ARL10: variants seen among roughly 807,000 people sequenced by gnomAD.
The protein encoded by ARL10 is ARF like GTPase 10.
In ARL10, 23 loss-of-function variants were observed where a neutral mutation model predicts 26.1. The observed-to-expected ratio is 0.88, with a 90% CI of 0.63 to 1.25. ARL10 has a LOEUF of 1.25. Among genes scored for constraint, ARL10 ranks in the 50% most tolerant of loss-of-function variants. ARL10 has a pLI of 0.00. For synonymous variants in ARL10, 138 were observed against 149.1 expected (o/e 0.93, Z 0.54); for missense variants, 300 against 323.6 (o/e 0.93, Z 0.56).
chr5:176,390,858 T>C (rs1332107853), downstream of ARL10, among the ~76,000 whole-genome samples: 1 of 152,156 alleles, frequency 6.6e-6, no homozygotes, highest in African/African-American at 2.4e-5. Flanking sequence ...GTGTACATAG[T>C]GTTTGAGGGT....
At chr5:176,384,257 G>A, downstream of ARL10, 1 of 1,614,200 alleles carries the variant, frequency 6.2e-7, no homozygotes, top group Non-Finnish European at 8.5e-7. Context: ...TTCCTCTTCT[G>A]CAAAGAATCG....
At chr5:176,395,971 C>T (rs1209804281) in intron 1 of ARL10, among the ~76,000 whole-genome samples, 1 of 152,106 alleles carries the variant, frequency 6.6e-6, no homozygotes, top group Non-Finnish European at 1.5e-5. Flanking sequence ...CCCGTCTCTA[C>T]TAAAAATACA....
rs757726077 is a variant in ARL10 at position 176,366,486 on chromosome 5, T to C, written c.290T>C (p.Leu97Ser). The change falls in exon 2 of 4, where the codon TTG (leucine) becomes TCG (serine). Residue 97 changes from leucine (L) to serine (S), a missense_variant. Physicochemically the swap from Leu to Ser is moderately radical, Grantham distance 145. Transcript: ENST00000310389. ...GGCAAGAGCACGTTCCTGCGCGTGT[T>C]GTCGGGGAAGCCACCGCTGGAAGGC... ...GAGKSTFLRV[L>S]SGKPPLEGHI... 9 of 1,614,042 alleles carry C rather than the reference T, an allele frequency of 5.6e-6. No homozygotes were observed. Among genetic ancestry groups the C allele is most frequent in the Non-Finnish European group, 7.6e-6 (9 of 1,180,020 alleles).
chr5:176,393,316 C>G (rs1167164479), downstream of ARL10, among the ~76,000 whole-genome samples: 1 of 152,102 alleles, frequency 6.6e-6, no homozygotes, highest in African/African-American at 2.4e-5. This position sits in a 1 kb window ranked among gnomAD's most constrained non-coding sequence, Gnocchi z 4.4. Flanking sequence ...ACCTAAAGAC[C>G]CTTGGAGGTC....
downstream of ARL10, chr5:176,386,231 G>A (rs1253984218): frequency 1.3e-5 from 2 of 157,228 alleles, no homozygotes; most frequent in Non-Finnish European, 2.8e-5. Flanking sequence ...AGTGCCTATG[G>A]CTTGGTATAT....
Position 176,373,446 on chromosome 5 carries a change from G to A in ARL10, c.*1551G>A, listed in dbSNP as rs1320451855. The A allele has an allele frequency of 5.9e-6, 1 of 170,544 alleles. No homozygotes were observed. The highest frequency in any genetic ancestry group is 1.5e-4 in the East Asian group (1 of 6,620). 10.6% of individuals were successfully genotyped at this position (170,544 alleles called of 1,614,324 possible). A position where few individuals can be genotyped will look rare whatever the true frequency, so the allele number is the denominator to read the frequency against. On this transcript the variant is annotated 3_prime_UTR_variant, in exon 4 of 4. Transcript: ENST00000310389. ...GGATTTTTTTTTTAAGAGGAGCTGT[G>A]CACCTCAATTTGCTGTCTAGTTGAG...
At chr5:176,409,188 A>T in the ARL10 span, among the ~76,000 whole-genome samples, 61 of 150,028 alleles carry the variant, frequency 4.1e-4, no homozygotes, top group African/African-American at 1.3e-3. Flanking sequence ...GTTAGCCAGG[A>T]TGGTCTCAAT....
downstream of ARL10, chr5:176,389,059 G>A (rs771617661): frequency 1.9e-4 from 289 of 1,525,384 alleles, no homozygotes; most frequent in Non-Finnish European, 2.5e-4. Flanking sequence ...CGCTAGCGGG[G>A]AGCGGAAGGA....
At chr5:176,397,843 T>C (rs1451830141) in intron 1 of ARL10, 3 of 1,470,468 alleles carry the variant, frequency 2.0e-6, no homozygotes. Flanking sequence ...CATTAAGGCA[T>C]GCAGCATCCC....
chr5:176,366,279 G>C, intron 1 of ARL10, 101 bp from the exon 2 acceptor site: 1 of 1,373,986 alleles, frequency 7.3e-7, no homozygotes, highest in Non-Finnish European at 9.8e-7. Context: ...GTCCCAGGAC[G>C]GGTGGAAGGC....
At chr5:176,389,815 G>A (rs1049404490), downstream of ARL10, 1 of 229,250 alleles carries the variant, frequency 4.4e-6, no homozygotes, top group Admixed American at 5.3e-5. Flanking sequence ...AACGGACTTT[G>A]GAGTGGTGCT....
At chr5:176,399,329 G>A (rs1341220829) in intron 1 of ARL10, among the ~76,000 whole-genome samples, 1 of 152,174 alleles carries the variant, frequency 6.6e-6, no homozygotes, top group Non-Finnish European at 1.5e-5. Flanking sequence ...ATCACACCAT[G>A]GGAAAGAACT....
chr5:176,389,888 A>G (rs143582355), downstream of ARL10: 404 of 166,342 alleles, frequency 2.4e-3, 6 homozygotes, highest in African/African-American at 8.3e-3. Context: ...GGGCACTTTG[A>G]AAGCAGAGAT....
chr5:176,389,063 G>T (rs945368176), downstream of ARL10: 43 of 1,514,118 alleles, frequency 2.8e-5, no homozygotes, highest in African/African-American at 5.1e-4. Flanking sequence ...AGCGGGGAGC[G>T]GAAGGAGAGC....
In ARL10 at chr5:176,366,417, A is replaced by C. The variant is rs1768304408; in HGVS notation, c.221A>C (p.Glu74Ala). Reference protein sequence around the residue: ...DEEDEEPALEELEQREVLVLG... With the variant: ...DEEDEEPALEALEQREVLVLG... ...GAGGACGAGGAGCCGGCGCTGGAGG[A>C]GCTGGAACAGCGCGAGGTGCTGGTG... The change falls in exon 2 of 4, where the codon GAG becomes GCG. Residue 74 changes from glutamate to alanine, a missense_variant. Coordinates refer to ENST00000310389, the MANE Select transcript of ARL10 (RefSeq NM_173664.6). 6.2e-7 allele frequency: 1 copy of C among 1,612,110 alleles called. No homozygotes were observed. The highest frequency in any genetic ancestry group is 1.3e-5 in the African/African-American group (1 of 74,900).
downstream of ARL10, chr5:176,384,285 T>C: frequency 6.2e-7 from 1 of 1,614,288 alleles, no homozygotes; most frequent in East Asian, 2.2e-5. Flanking sequence ...CTTGCCACTC[T>C]GCTGGGTAAA....
chr5:176,410,826 C>A, the ARL10 span, among the ~76,000 whole-genome samples: 3 of 151,970 alleles, frequency 2.0e-5, no homozygotes, highest in African/African-American at 7.2e-5. Flanking sequence ...TTGCAGTTCC[C>A]ACCAGAAGCA....
chr5:176,392,367 G>C (rs1756290429), downstream of ARL10: 2 of 169,772 alleles, frequency 1.2e-5, no homozygotes, highest in Admixed American at 1.2e-4. This position sits in a 1 kb window ranked among gnomAD's most constrained non-coding sequence, Gnocchi z 5.2. Context: ...GCTCCCACTT[G>C]GCTGGGAAAT....
At position 176,372,644 on chromosome 5, in the gene ARL10, G is replaced by A. The variant is rs1768581576; in HGVS notation, c.*749G>A. On this transcript the variant is annotated 3_prime_UTR_variant, in exon 4 of 4. Coordinates refer to ENST00000310389, the MANE Select transcript of ARL10 (RefSeq NM_173664.6). The stretch of plus-strand genomic sequence containing the variant: ...CACCCACCAAACAGAAAAAGTGAAG[G>A]CTGGGTTTTTCCCCTCTAATCTGGA... The A allele has an allele frequency of 5.8e-6, 2 of 346,724 alleles. No homozygotes were observed. The highest frequency in any genetic ancestry group is 1.0e-5 in the Non-Finnish European group (2 of 194,202). The allele number at this position is 346,724 out of a possible 1,614,324, so 21.5% of individuals were successfully genotyped here. A position where few individuals can be genotyped will look rare whatever the true frequency, so the allele number is the denominator to read the frequency against.
Sources: allele counts gnomAD v4.1 joint callset (sites outside exome capture counted in the v4.1 genomes callset), GRCh38; gene constraint gnomAD v4.1.1; non-coding constraint Gnocchi (gnomAD v3.1); transcripts MANE v1.5; gene names NCBI Gene and HGNC (gene_info 2026-07-23, HGNC 2026-07-21).